SWT1: variants seen among roughly 807,000 people sequenced by gnomAD.
The protein encoded by SWT1 is transcriptional protein SWT1.
A neutral mutation model predicts 107.3 loss-of-function variants in SWT1; 33 were observed. That is an observed-to-expected ratio of 0.31 (90% CI 0.23 to 0.41). The LOEUF (loss-of-function observed/expected upper bound fraction) is 0.41. Ranked by LOEUF, SWT1 falls within the 10% of genes least tolerant of loss-of-function variation. SWT1 has a pLI of 1.00. For missense variants in SWT1, 898 were observed against 1,028.9 expected (o/e 0.87, Z 1.74); for synonymous variants, 345 against 348.3 (o/e 0.99, Z 0.11).
At chr1:185,181,865 T>C in intron 6 of SWT1, 81 bp from the exon 7 acceptor site, 1 of 1,475,378 alleles carries the variant, frequency 6.8e-7, no homozygotes, top group Non-Finnish European at 9.3e-7. Context: ...TCAAGTGAAT[T>C]AATTAAGAAT....
intron 16 of SWT1, among the ~76,000 whole-genome samples, chr1:185,236,196 A>G (rs1175617412): frequency 1.3e-5 from 2 of 152,216 alleles, no homozygotes; most frequent in Non-Finnish European, 1.5e-5. Flanking sequence ...GGAAAAAACT[A>G]CTTTAAATTT....
intron 14 of SWT1, 114 bp from the exon 15 acceptor site, chr1:185,221,735 G>T: frequency 1.5e-6 from 1 of 649,700 alleles, no homozygotes; most frequent in East Asian, 2.8e-5. Flanking sequence ...AAAAGAAAAA[G>T]AATTGCCACC....
intron 15 of SWT1, among the ~76,000 whole-genome samples, chr1:185,229,825 T>C (rs775965185): frequency 6.6e-6 from 1 of 152,126 alleles, no homozygotes; most frequent in Non-Finnish European, 1.5e-5. Context: ...AAAATAAATT[T>C]GGTTTTATCT....
chr1:185,219,929 C>T (rs1357157510), intron 14 of SWT1, among the ~76,000 whole-genome samples: 1 of 151,840 alleles, frequency 6.6e-6, no homozygotes, highest in Non-Finnish European at 1.5e-5. Context: ...TGTGCCACAA[C>T]CAGTCTGGGC....
rs1320977529 is a variant in SWT1 at position 185,252,860 on chromosome 1, G to A, written c.2442-18463G>A. Among the ~76,000 whole-genome samples the A allele has an allele frequency of 2.0e-3, 292 of 149,098 alleles. 1 individual carries two copies. Among genetic ancestry groups the A allele is most frequent in the African/African-American group, 6.6e-3 (270 of 40,728 alleles). Reference sequence around the variant, plus strand: ...TTTTAGACATGAAGTCCTTGCCCATGCCTATGTCCTGAATGGTAATGCCTA... The same window carrying A: ...TTTTAGACATGAAGTCCTTGCCCATACCTATGTCCTGAATGGTAATGCCTA... On this transcript the variant is annotated intron_variant, in intron 16 of 18. Coordinates refer to ENST00000367500, the MANE Select transcript of SWT1 (RefSeq NM_017673.7).
intron 16 of SWT1, among the ~76,000 whole-genome samples, chr1:185,253,324 G>T (rs1389101314): frequency 8.9e-4 from 131 of 146,892 alleles, no homozygotes; most frequent in African/African-American, 2.7e-3. Flanking sequence ...GTGAAGAAAG[G>T]CATTGGTAGC....
chr1:185,231,955 C>T (rs1660538610), intron 16 of SWT1, among the ~76,000 whole-genome samples: 1 of 152,046 alleles, frequency 6.6e-6, no homozygotes, highest in South Asian at 2.1e-4. Context: ...AAATACTGTT[C>T]TTTGTAAATT....
At chr1:185,224,122 A>G (rs1420929005) in intron 15 of SWT1, among the ~76,000 whole-genome samples, 2 of 152,184 alleles carry the variant, frequency 1.3e-5, no homozygotes, top group African/African-American at 2.4e-5. Context: ...TGTGAGATGT[A>G]TAGTTTGCAT....
intron 16 of SWT1, among the ~76,000 whole-genome samples, chr1:185,266,802 T>A (rs543310943): frequency 6.6e-6 from 1 of 152,348 alleles, no homozygotes; most frequent in South Asian, 2.1e-4. Context: ...CCTATGTGAC[T>A]GAGTCAGGGC....
At chr1:185,287,402 G>C (rs796267689) in intron 18 of SWT1, among the ~76,000 whole-genome samples, 8 of 152,132 alleles carry the variant, frequency 5.3e-5, no homozygotes, top group Non-Finnish European at 1.2e-4. Flanking sequence ...GTTCTCGAAA[G>C]GATCAGGAAT....
chr1:185,207,940 T>G (rs1658467559), intron 13 of SWT1, among the ~76,000 whole-genome samples: 1 of 152,134 alleles, frequency 6.6e-6, no homozygotes, highest in Non-Finnish European at 1.5e-5. Context: ...AAAGTGTGAT[T>G]ATTATTAAAG....
intron 16 of SWT1, among the ~76,000 whole-genome samples, chr1:185,254,398 C>G (rs12133770): frequency 0.98 from 123,527 of 125,410 alleles, 60,877 homozygotes; most frequent in East Asian, 1. Flanking sequence ...GGCTGTGAAT[C>G]CATCTGGTCC....
At chr1:185,216,104 C>T (rs1021262141) in intron 14 of SWT1, among the ~76,000 whole-genome samples, 6 of 152,054 alleles carry the variant, frequency 3.9e-5, no homozygotes, top group Non-Finnish European at 8.8e-5. Context: ...CACTTCCTTG[C>T]TAAGAGAATA....
chr1:185,256,060 G>T (rs1466927288), intron 16 of SWT1, among the ~76,000 whole-genome samples: 2 of 151,128 alleles, frequency 1.3e-5, no homozygotes, highest in Admixed American at 1.3e-4. Context: ...GGCTGGATAT[G>T]AAATTCTGGG....
chr1:185,279,428 T>A (rs1664475502), intron 18 of SWT1, among the ~76,000 whole-genome samples: 2 of 152,174 alleles, frequency 1.3e-5, no homozygotes. Flanking sequence ...CTTTGTTTTC[T>A]TTCCATTTAT....
chr1:185,290,574 AT>A (rs893640586), intron 18 of SWT1, 99 bp from the exon 19 acceptor site: 40 of 791,906 alleles, frequency 5.1e-5, no homozygotes, highest in East Asian at 2.0e-4. Flanking sequence ...ATATATATAT[AT>A]TTTTTATTTG....
At chr1:185,168,286 G>GA in intron 3 of SWT1, 54 bp from the exon 4 acceptor site, 9 of 1,115,640 alleles carry the variant, frequency 8.1e-6, no homozygotes, top group East Asian at 6.6e-5. Flanking sequence ...ATAAACTGTG[G>GA]AAAAAAATAT....
rs556432837 is a variant in SWT1, at chr1:185,217,379, G to A, written c.2121+2724G>A. 1.3e-3 allele frequency among the ~76,000 whole-genome samples: 203 copies of A among 152,226 alleles called. 2 individuals are homozygous for A. Among genetic ancestry groups the A allele is most frequent in the Non-Finnish European group, 1.6e-4 (11 of 68,002 alleles). ...CATTACTGTCTGAGCCCCACCTTTT[G>A]TCAGATCAGCAGTGGGATTAGATTC... On this transcript the variant is annotated intron_variant, in intron 14 of 18. Transcript: ENST00000367500.
At chr1:185,177,340 C>T (rs545800247) in intron 5 of SWT1, among the ~76,000 whole-genome samples, 1 of 152,178 alleles carries the variant, frequency 6.6e-6, no homozygotes, top group East Asian at 1.9e-4. Context: ...TGCAGGGCGT[C>T]GTATGGTTTC....
Sources: gnomAD v4.1 joint callset for allele counts (sites outside exome capture counted in the v4.1 genomes callset) on GRCh38, gnomAD v4.1.1 for gene constraint, MANE v1.5 for transcripts, NCBI Gene and HGNC (gene_info 2026-07-23, HGNC 2026-07-21) for gene names.